The following CAPN11 variants were observed in gnomAD, a reference collection of about 807,000 sequenced individuals.
The protein encoded by CAPN11 is calpain 11.
Under a neutral mutation model 105.3 loss-of-function variants are expected in CAPN11, and 108 were observed. That is an observed-to-expected ratio of 1.03 (90% confidence interval 0.88 to 1.20). The LOEUF (loss-of-function observed/expected upper bound fraction) is 1.20, where lower values mean the gene tolerates loss of function less well. CAPN11 is among the 50% of genes most tolerant of loss of function. CAPN11 has a pLI of 0.00. For missense variants in CAPN11, 883 were observed against 924.8 expected, an observed-to-expected ratio of 0.95 and a Z score of 0.59; for synonymous variants, 329 against 344.5, an observed-to-expected ratio of 0.96 and a Z score of 0.50.
In CAPN11 at chr6:44,181,012, AG is replaced by A; in HGVS notation, c.1869+16del. The A allele has an allele frequency of 1.2e-6, 2 of 1,610,156 alleles. No homozygotes were observed. Among genetic ancestry groups the A allele is most frequent in the Non-Finnish European group, 8.5e-7 (1 of 1,176,686 alleles). ...ACCTCATGGATGTATCCTCCTGTCCAGTGCTCTCTTGGCCCTGTCCCCTGCC... is the reference window on the plus strand; with the variant it reads ...ACCTCATGGATGTATCCTCCTGTCCATGCTCTCTTGGCCCTGTCCCCTGCC... On this transcript the variant is annotated intron_variant, in intron 18 of 22. Transcript: ENST00000398776.
At chr6:44,173,451 T>G in intron 7 of CAPN11, 65 bp downstream of exon 7, 2 of 1,062,992 alleles carry the variant, frequency 1.9e-6, no homozygotes, top group Non-Finnish European at 2.8e-6. Context: ...CAAAAGGCTC[T>G]TCCCCCAGTA....
chr6:44,173,255 A>G lies in CAPN11; in HGVS notation c.700A>G (p.Thr234Ala), dbSNP rs1282631161. The G allele has an allele frequency of 1.9e-6, 3 of 1,613,896 alleles. No individual in the cohort carries two copies. The highest frequency in any genetic ancestry group is 2.5e-6 in the Non-Finnish European group (3 of 1,179,868). The stretch of plus-strand genomic sequence containing the variant: ...CTATGAAGCATTGTCAGGGGGCAGT[A>G]CCATGGAGGGCCTTGAGGACTTCAC... ...GSYEALSGGS[T>A]MEGLEDFTGG... The change falls in exon 7 of 23, where the codon ACC (threonine) becomes GCC (alanine). Residue 234 changes from threonine (T) to alanine (A), a missense_variant. By Grantham distance (58) the Thr-to-Ala change is moderately conservative. Transcript: ENST00000398776.
chr6:44,176,588 G>A lies in CAPN11; in HGVS notation c.1009G>A (p.Glu337Lys). ...WNGAWSDSAR[E>K]WEEVASDIQM... The stretch of plus-strand genomic sequence containing the variant: ...CGCCCATCTCTGCTCCAGTGCCAGG[G>A]AGTGGGAAGAGGTGGCCTCAGACAT... The change falls in exon 10 of 23, where the codon GAG (glutamate) becomes AAG (lysine). Residue 337 changes from glutamate to lysine, a missense_variant. By Grantham distance (56) the Glu-to-Lys change is moderately conservative. Coordinates refer to ENST00000398776, the MANE Select transcript of CAPN11 (RefSeq NM_007058.4). 1.2e-6 allele frequency: 2 copies of A among 1,612,332 alleles called. No homozygotes were observed. The highest frequency in any genetic ancestry group is 8.5e-7 in the Non-Finnish European group (1 of 1,178,782).
intron 4 of CAPN11, among the ~76,000 whole-genome samples, chr6:44,171,976 G>C (rs1027259036): frequency 1.3e-5 from 2 of 152,210 alleles, no homozygotes; most frequent in Non-Finnish European, 2.9e-5. Context: ...TGAGACAGGA[G>C]AATCGCTCGA....
rs1289937272 is a variant in CAPN11, at chr6:44,172,928, T to A, written c.529-12T>A. The A allele has an allele frequency of 6.2e-7, 1 of 1,612,472 alleles. No homozygotes were observed. Among genetic ancestry groups the A allele is most frequent in the Non-Finnish European group, 8.5e-7 (1 of 1,179,250 alleles). ...GGTTCCCACGCAAGGGGTGTGTGTT[T>A]GCTACCCACAGATTTGGCAGTTTGG... On this transcript the variant is annotated splice_polypyrimidine_tract_variant and intron_variant, in intron 5 of 22. Coordinates refer to ENST00000398776, the MANE Select transcript of CAPN11 (RefSeq NM_007058.4).
rs757938108 is a variant in CAPN11 at position 44,179,949 on chromosome 6, T to C, written c.1429-3T>C. 47 of 1,609,158 alleles carry C rather than the reference T, an allele frequency of 2.9e-5. No individual in the cohort carries two copies. Among genetic ancestry groups the C allele is most frequent in the Middle Eastern group, 1.7e-4 (1 of 6,048 alleles). On this transcript the variant is annotated splice_region_variant and splice_polypyrimidine_tract_variant and intron_variant, in intron 13 of 22. Transcript: ENST00000398776. ...CCTGTACCCACTTCCAGGATGCATA[T>C]AGTTTCAGAACATTCAGGATGTCCA...
At chr6:44,160,193 C>T (rs943914199) in intron 1 of CAPN11, among the ~76,000 whole-genome samples, 3 of 152,078 alleles carry the variant, frequency 2.0e-5, no homozygotes, top group African/African-American at 7.2e-5. Context: ...AAACAAATAA[C>T]AAGTATGTGC....
At chr6:44,173,578 TTGTTTG>T (rs369246453) in intron 7 of CAPN11, among the ~76,000 whole-genome samples, 192 bp downstream of exon 7, 5 of 140,008 alleles carry the variant, frequency 3.6e-5, no homozygotes, top group Admixed American at 6.9e-5. Flanking sequence ...TTGTTTTTTT[TTGTTTG>T]TTTGTTTTGT....
At chr6:44,178,330 A>G (rs945399564) in intron 12 of CAPN11, among the ~76,000 whole-genome samples, 1 of 151,990 alleles carries the variant, frequency 6.6e-6, no homozygotes, top group African/African-American at 2.4e-5. Flanking sequence ...CCGACAATCC[A>G]TCCCCCTTGT....
Position 44,183,244 on chromosome 6 carries a change from G to T in CAPN11, c.2134+9G>T. 6.4e-7 allele frequency: 1 copy of T among 1,555,138 alleles called. No homozygotes were observed. The highest frequency in any genetic ancestry group is 8.9e-7 in the Non-Finnish European group (1 of 1,126,322). ...GCTAAAGACCATGTTCAGTGAGTTA[G>T]GCATCTACCCACTCCCCAGCCTAGG... On this transcript the variant is annotated intron_variant, in intron 21 of 22. Coordinates refer to ENST00000398776, the MANE Select transcript of CAPN11 (RefSeq NM_007058.4).
At position 44,183,026 on chromosome 6, in the gene CAPN11, A is replaced by G. The variant is rs369870189; in HGVS notation, c.2017+7A>G. 7 of 1,611,936 alleles carry G rather than the reference A, an allele frequency of 4.3e-6. No individual in the cohort carries two copies. The highest frequency in any genetic ancestry group is 1.7e-5 in the Admixed American group (1 of 59,928). On this transcript the variant is annotated splice_region_variant and intron_variant, in intron 20 of 22. Coordinates refer to ENST00000398776, the MANE Select transcript of CAPN11 (RefSeq NM_007058.4). ...CTGGTTATTGAGAAAGCAGGTGGCC[A>G]AGGGTCAGGAGTGGGCCTTGGGGCA... is the stretch of plus-strand genomic sequence containing the variant.
intron 1 of CAPN11, 104 bp downstream of exon 1, chr6:44,158,968 G>A (rs1352982123): frequency 8.4e-6 from 6 of 711,924 alleles, no homozygotes; most frequent in Non-Finnish European, 1.0e-5. Flanking sequence ...GCCCCTTGAG[G>A]GTACAGAGAG....
chr6:44,176,080 A>C lies in CAPN11; in HGVS notation c.844A>C (p.Ser282Arg). ...MGCSIEVTSD[S>R]ELESMTDKML... is the part of the protein sequence containing the mutation. The stretch of plus-strand genomic sequence containing the variant: ...CTCTGTTCTGTAGGTCACCAGTGAT[A>C]GTGAACTGGAATCCATGACTGACAA... The change falls in exon 8 of 23, where the codon AGT becomes CGT. Residue 282 changes from serine to arginine, a missense_variant. By Grantham distance (110) the Ser-to-Arg change is moderately radical. Coordinates refer to ENST00000398776, the MANE Select transcript of CAPN11 (RefSeq NM_007058.4). 6.2e-7 allele frequency: 1 copy of C among 1,610,340 alleles called. No individual in the cohort carries two copies. Among genetic ancestry groups the C allele is most frequent in the African/African-American group, 1.3e-5 (1 of 74,972 alleles).
chr6:44,161,399 C>T (rs1258691038), intron 1 of CAPN11, among the ~76,000 whole-genome samples: 1 of 152,162 alleles, frequency 6.6e-6, no homozygotes, highest in Non-Finnish European at 1.5e-5. Context: ...GGGGTTTCAC[C>T]ATGTTGGCCA....
chr6:44,176,967 C>T lies in CAPN11; in HGVS notation c.1206C>T (p.Gly402=). The T allele has an allele frequency of 6.2e-7, 1 of 1,613,744 alleles. No homozygotes were observed. Among genetic ancestry groups the T allele is most frequent in the East Asian group, 2.2e-5 (1 of 44,870 alleles). ...TTFYEGSWRR[G]SSAGGCRNHP... ...TCTACGAGGGCAGCTGGCGCAGAGG[C>T]AGCTCCGCAGGGGGCTGCAGGAACC... is the stretch of plus-strand genomic sequence containing the variant. The change falls in exon 11 of 23, where the codon GGC becomes GGT. Residue 402 remains glycine, a synonymous_variant. Transcript: ENST00000398776.
intron 12 of CAPN11, among the ~76,000 whole-genome samples, chr6:44,179,031 C>T (rs1284344344): frequency 1.3e-5 from 2 of 152,156 alleles, no homozygotes; most frequent in South Asian, 2.1e-4. Flanking sequence ...AATAGAGCAA[C>T]CTGTTTAACT....
intron 9 of CAPN11, 105 bp from the exon 10 acceptor site, chr6:44,176,476 C>T (rs1036030209): frequency 3.8e-5 from 50 of 1,312,604 alleles, no homozygotes; most frequent in African/African-American, 2.2e-4. Context: ...CATCTAGCTC[C>T]GCACCCCAGC....
chr6:44,183,675 C>T (rs371786708), intron 21 of CAPN11, 30 bp from the exon 22 acceptor site: 99 of 1,607,592 alleles, frequency 6.2e-5, no homozygotes, highest in Admixed American at 5.0e-4. Flanking sequence ...TAGCATTCAG[C>T]CCCTCTCCCC....
At position 44,183,631 on chromosome 6, in the gene CAPN11, C is replaced by G. The variant is rs1582894402; in HGVS notation, c.2135-74C>G. 7 of 1,410,512 alleles carry G rather than the reference C, an allele frequency of 5.0e-6. No homozygotes were observed. The Admixed American group carries it at 7.1e-5, about 14-fold the overall frequency. The allele number at this position is 1,410,512 out of a possible 1,614,324, so 87.4% of individuals were successfully genotyped here. ...GAACACCTGGTGTCGCCCCTTCCTA[C>G]CTAGTTGGGAGTGGTTCTTTCGGAA... On this transcript the variant is annotated intron_variant, in intron 21 of 22. Transcript: ENST00000398776.
Sources: gnomAD v4.1 joint callset for allele counts (sites outside exome capture counted in the v4.1 genomes callset) on GRCh38, gnomAD v4.1.1 for gene constraint, MANE v1.5 for transcripts, NCBI Gene and HGNC (gene_info 2026-07-23, HGNC 2026-07-21) for gene names.